LZTS2: variants seen among roughly 807,000 people sequenced by gnomAD.
The protein encoded by LZTS2 is leucine zipper tumor suppressor 2.
LZTS2 carries 32 observed loss-of-function variants against 60.6 expected under a neutral mutation model. The ratio of observed to expected loss-of-function variants is 0.53; its 90% CI spans 0.40 to 0.71. The LOEUF is 0.71. Among genes scored for constraint, LZTS2 ranks in the 30% least tolerant of loss-of-function variants. The pLI, the probability that LZTS2 is intolerant of heterozygous loss-of-function variation, is 0.00. For missense variants in LZTS2, 792 were observed against 901.9 expected, an observed-to-expected ratio of 0.88 and a Z score of 1.56; for synonymous variants, 360 against 393.1, an observed-to-expected ratio of 0.92 and a Z score of 1.00.
chr10:101,004,511 G>A (rs1303951536), intron 2 of LZTS2, among the ~76,000 whole-genome samples: 1 of 152,218 alleles, frequency 6.6e-6, no homozygotes, highest in African/African-American at 2.4e-5. Context: ...GCTGAGGTGG[G>A]CGGATCACTG....
chr10:101,006,645 A>G (rs1158269053), exon 4 of LZTS2: 3 of 1,589,466 alleles, frequency 1.9e-6, no homozygotes, highest in African/African-American at 1.3e-5. Context: ...CGGGGTCTAC[A>G]GGAGGCCGCC....
chr10:101,002,668 C>T, exon 1 of LZTS2: 1 of 1,609,004 alleles, frequency 6.2e-7, no homozygotes. Flanking sequence ...GGGGCCAGCT[C>T]CTCCCCGCCA....
In LZTS2 at chr10:101,005,724, G is replaced by T; in HGVS notation, c.1326+9G>T. 1.3e-6 allele frequency: 2 copies of T among 1,551,846 alleles called. No homozygotes were observed. The highest frequency in any genetic ancestry group is 2.3e-5 in the South Asian group (2 of 86,238). On this transcript the variant is annotated intron_variant, in intron 3 of 3. Coordinates refer to ENST00000370220, the Ensembl canonical transcript of LZTS2. ...AGGAGACCAAGTGGGAGGTGGGCCA[G>T]ACCAGGAGGGGCAGGGAGCAGGGTC... is the stretch of plus-strand genomic sequence containing the variant.
exon 1 of LZTS2, chr10:101,001,710 A>C (rs922223623): frequency 2.6e-5 from 4 of 152,144 alleles, no homozygotes; most frequent in African/African-American, 9.7e-5. Context: ...CAGGGCATCT[A>C]CCTTCCTCCC....
chr10:101,002,645 G>A (rs775223021), exon 1 of LZTS2: 13 of 1,605,894 alleles, frequency 8.1e-6, no homozygotes, highest in Non-Finnish European at 9.4e-6. Flanking sequence ...ATCTCAGGCC[G>A]GCCCTGTCCC....
chr10:101,006,676 G>A (rs772166169), exon 4 of LZTS2: 3 of 1,592,954 alleles, frequency 1.9e-6, no homozygotes, highest in Non-Finnish European at 2.6e-6. Context: ...AGCTGGAGCT[G>A]GAAGCCTGTT....
Sources: gnomAD v4.1 joint callset for allele counts (sites outside exome capture counted in the v4.1 genomes callset) on GRCh38, gnomAD v4.1.1 for gene constraint, MANE v1.5 for transcripts, NCBI Gene and HGNC (gene_info 2026-07-23, HGNC 2026-07-21) for gene names.